Variants in WDR19 observed in about 807,000 individuals in gnomAD.
WDR19 encodes WD repeat domain 19.
A neutral mutation model predicts 180.0 loss-of-function variants in WDR19; 121 were observed. That is an observed-to-expected ratio of 0.67 (90% CI 0.58 to 0.78). WDR19 has a LOEUF of 0.78. Ranked by LOEUF, WDR19 falls within the 30% of genes least tolerant of loss-of-function variation. The pLI is 0.00. For missense variants in WDR19, 1,450 were observed against 1,640.7 expected, an observed-to-expected ratio of 0.88 and a Z score of 2.01; for synonymous variants, 497 against 540.7, an observed-to-expected ratio of 0.92 and a Z score of 1.12.
intron 14 of WDR19, among the ~76,000 whole-genome samples, chr4:39,224,676 A>G (rs911680587): frequency 1.1e-4 from 17 of 152,282 alleles, no homozygotes; most frequent in Non-Finnish European, 2.1e-4. Flanking sequence ...GATTACAGGC[A>G]AGAGCCACTG....
Position 39,234,799 on chromosome 4 carries a change from C to G in WDR19, c.2287C>G (p.Leu763Val). The change falls in exon 20 of 37, where the codon CTA becomes GTA. Residue 763 changes from leucine to valine, a missense_variant. Leu to Val is a conservative substitution (Grantham distance 32, BLOSUM62 1). Coordinates refer to ENST00000399820, the MANE Select transcript of WDR19 (RefSeq NM_025132.4). ...GGATTTACAGCATTGGGACAGTGCT[C>G]TACAACTGGCAAAGCATTTGGCCCC... Reference protein sequence around the residue: ...RRDLQHWDSALQLAKHLAPDQ... With the variant: ...RRDLQHWDSAVQLAKHLAPDQ... The G allele has an allele frequency of 6.3e-7, 1 of 1,584,094 alleles. No individual in the cohort carries two copies. Among genetic ancestry groups the G allele is most frequent in the Non-Finnish European group, 8.6e-7 (1 of 1,163,922 alleles).
intron 24 of WDR19, among the ~76,000 whole-genome samples, chr4:39,250,258 C>T (rs189895734): frequency 1.6e-4 from 24 of 152,316 alleles, no homozygotes; most frequent in Non-Finnish European, 2.5e-4. Context: ...ACAAAAACCA[C>T]ATGACTATCT....
intron 36 of WDR19, among the ~76,000 whole-genome samples, chr4:39,284,361 C>T (rs1736927170): frequency 1.9e-5 from 2 of 105,660 alleles, no homozygotes; most frequent in African/African-American, 3.5e-5. Context: ...TTTTTTGAGA[C>T]AGGATCTCAC....
At chr4:39,281,228 T>TAGAGAGAGAGAGAGAGAGAG (rs1437561762) in intron 36 of WDR19, among the ~76,000 whole-genome samples, 23 of 98,748 alleles carry the variant, frequency 2.3e-4, no homozygotes, top group East Asian at 5.1e-4. Context: ...TATATATATA[T>TAGAGAGAGAGAGAGAGAGAG]ATATATATAG....
At chr4:39,262,397 C>T (rs1036751866) in intron 28 of WDR19, among the ~76,000 whole-genome samples, 15 of 152,076 alleles carry the variant, frequency 9.9e-5, no homozygotes, top group African/African-American at 2.9e-4. Flanking sequence ...GACATGCCAC[C>T]GCACCCGGCC....
rs1363197114 is a variant in WDR19 at position 39,285,670 on chromosome 4, T to C, written c.*197T>C. 6.6e-6 allele frequency: 1 copy of C among 152,230 alleles called. No homozygotes were observed. The highest frequency in any genetic ancestry group is 2.4e-5 in the African/African-American group (1 of 41,448). The allele number at this position is 152,230 out of a possible 1,614,324, so 9.4% of individuals were successfully genotyped here. On this transcript the variant is annotated 3_prime_UTR_variant, in exon 37 of 37. Coordinates refer to ENST00000399820, the MANE Select transcript of WDR19 (RefSeq NM_025132.4). ...TAACCTTGCTGTTTATTGTACTTTG[T>C]ATATTATTTCCTCTTCAAAGTCTTT...
chr4:39,268,533 T>G (rs932343803), intron 30 of WDR19, among the ~76,000 whole-genome samples: 7 of 152,186 alleles, frequency 4.6e-5, no homozygotes, highest in Non-Finnish European at 8.8e-5. Context: ...GATAGACTCT[T>G]CAGGATGGTT....
At chr4:39,238,165 G>A (rs989106758) in intron 20 of WDR19, among the ~76,000 whole-genome samples, 1 of 152,094 alleles carries the variant, frequency 6.6e-6, no homozygotes, top group African/African-American at 2.4e-5. Context: ...ACTAACCTAG[G>A]TATAGTTCAT....
At chr4:39,273,174 C>A in intron 32 of WDR19, 113 bp downstream of exon 32, 1 of 781,062 alleles carries the variant, frequency 1.3e-6, no homozygotes, top group Middle Eastern at 3.4e-4. Context: ...ATTCTCACAG[C>A]AGCTCCATGA....
intron 28 of WDR19, among the ~76,000 whole-genome samples, chr4:39,261,534 A>G (rs1734295402): frequency 6.6e-6 from 1 of 152,230 alleles, no homozygotes; most frequent in Non-Finnish European, 1.5e-5. Context: ...TCAAGTGTCC[A>G]TTGCAGGTTT....
intron 17 of WDR19, among the ~76,000 whole-genome samples, chr4:39,229,856 A>C (rs11931354): frequency 1.3e-5 from 2 of 151,924 alleles, no homozygotes; most frequent in Non-Finnish European, 2.9e-5. Context: ...TGAACTCATC[A>C]ATTTCCACAG....
chr4:39,261,673 A>G (rs1007862764), intron 28 of WDR19, among the ~76,000 whole-genome samples: 3 of 152,226 alleles, frequency 2.0e-5, no homozygotes, highest in Non-Finnish European at 4.4e-5. Context: ...CTAGAACTCC[A>G]TGGTTGAAGT....
chr4:39,228,801 A>G, intron 17 of WDR19, 111 bp downstream of exon 17: 1 of 1,268,006 alleles, frequency 7.9e-7, no homozygotes, highest in Non-Finnish European at 1.1e-6. Context: ...TATCCTTGCA[A>G]GAATTTTTTT....
intron 4 of WDR19, among the ~76,000 whole-genome samples, chr4:39,191,211 CTGTT>C (rs1042491401): frequency 1.3e-5 from 2 of 152,346 alleles, no homozygotes; most frequent in Admixed American, 6.5e-5. Flanking sequence ...AGCATACCCA[CTGTT>C]TGTTCTTTAT....
chr4:39,188,406 T>C (rs1725786917), intron 3 of WDR19, among the ~76,000 whole-genome samples: 2 of 152,064 alleles, frequency 1.3e-5, no homozygotes, highest in East Asian at 3.9e-4. Flanking sequence ...CTCGTTATTT[T>C]CCATCAAGAT....
chr4:39,210,513 T>C (rs1464283690), intron 9 of WDR19, among the ~76,000 whole-genome samples: 2 of 151,868 alleles, frequency 1.3e-5, no homozygotes. Flanking sequence ...CGAGACCCCA[T>C]CTCTAAAACA....
At chr4:39,195,201 A>G (rs930901301) in intron 5 of WDR19, among the ~76,000 whole-genome samples, 1 of 151,936 alleles carries the variant, frequency 6.6e-6, no homozygotes, top group African/African-American at 2.4e-5. Context: ...CCCCATCTCT[A>G]CTAAAAATAC....
At chr4:39,263,782 G>C (rs2109474823) in intron 28 of WDR19, among the ~76,000 whole-genome samples, 1 of 152,206 alleles carries the variant, frequency 6.6e-6, no homozygotes, top group East Asian at 1.9e-4. Flanking sequence ...AAATTAGCCG[G>C]GAGTGGTGGC....
chr4:39,247,881 G>A (rs574834741), intron 24 of WDR19, among the ~76,000 whole-genome samples: 5 of 152,194 alleles, frequency 3.3e-5, no homozygotes, highest in Non-Finnish European at 7.3e-5. Context: ...CGTCTAATTG[G>A]TATACCTGAA....
Sources: allele counts gnomAD v4.1 joint callset (sites outside exome capture counted in the v4.1 genomes callset), GRCh38; gene constraint gnomAD v4.1.1; transcripts MANE v1.5; gene names NCBI Gene and HGNC (gene_info 2026-07-23, HGNC 2026-07-21).